Variants in GATAD2B observed in about 807,000 individuals in gnomAD.
The protein encoded by GATAD2B is transcriptional repressor p66-beta.
In GATAD2B, 8 loss-of-function variants were observed where a neutral mutation model predicts 64.3. The observed-to-expected ratio is 0.12, with a 90% CI of 0.07 to 0.22. The LOEUF (loss-of-function observed/expected upper bound fraction) is 0.22, where lower values mean the gene tolerates loss of function less well. Ranked by LOEUF, GATAD2B falls within the 10% of genes least tolerant of loss-of-function variation. The pLI is 1.00. For synonymous variants in GATAD2B, 281 were observed against 271.3 expected, an observed-to-expected ratio of 1.04 and a Z score of -0.35; for missense variants, 453 against 752.0, an observed-to-expected ratio of 0.60 and a Z score of 4.65.
At chr1:153,817,170 C>A (rs557887591) in intron 6 of GATAD2B, among the ~76,000 whole-genome samples, 1 of 152,232 alleles carries the variant, frequency 6.6e-6, no homozygotes, top group African/African-American at 2.4e-5. Context: ...TGCTGTATAA[C>A]CTCTCTCCTC....
Position 153,812,055 on chromosome 1 carries a change from T to C in GATAD2B, c.1497A>G (p.Gln499=). 3 of 1,612,110 alleles carry C rather than the reference T, an allele frequency of 1.9e-6. No homozygotes were observed. The highest frequency in any genetic ancestry group is 2.5e-6 in the Non-Finnish European group (3 of 1,178,468). The change falls in exon 9 of 11, where the codon CAA becomes CAG. Residue 499 remains glutamine (Q), a synonymous_variant. Coordinates refer to ENST00000368655, the MANE Select transcript of GATAD2B (RefSeq NM_020699.4). ...GCGTATGATGTCTCATGATGGTCTC[T>C]TGTTTACTGACACTGGACACAGCTG... The part of the protein sequence containing the change: ...TAPAVSSVSK[Q]ETIMRHHTLR...
At chr1:153,818,984 A>T in intron 3 of GATAD2B, 62 bp from the exon 4 acceptor site, 1 of 1,547,248 alleles carries the variant, frequency 6.5e-7, no homozygotes, top group Non-Finnish European at 8.8e-7. Context: ...TTCCTGCAAG[A>T]GACAATCTTT....
At chr1:153,901,208 T>A (rs1472673527) in intron 1 of GATAD2B, among the ~76,000 whole-genome samples, 4 of 138,880 alleles carry the variant, frequency 2.9e-5, no homozygotes, top group Middle Eastern at 3.4e-3. Flanking sequence ...AGCAAAATTC[T>A]ACCTCAAAAA....
intron 1 of GATAD2B, among the ~76,000 whole-genome samples, chr1:153,908,940 G>C (rs575578218): frequency 6.6e-6 from 1 of 152,126 alleles, no homozygotes; most frequent in African/African-American, 2.4e-5. Context: ...CTGGAACACG[G>C]ATTACATCTC....
intron 1 of GATAD2B, among the ~76,000 whole-genome samples, chr1:153,897,155 G>T (rs987926488): frequency 2.0e-5 from 3 of 151,388 alleles, no homozygotes; most frequent in Non-Finnish European, 4.4e-5. Context: ...TCAGCCTCCC[G>T]AGTAGCTGGG....
At chr1:153,889,275 G>A (rs1303418440) in intron 1 of GATAD2B, among the ~76,000 whole-genome samples, 2 of 151,848 alleles carry the variant, frequency 1.3e-5, no homozygotes, top group Non-Finnish European at 2.9e-5. Flanking sequence ...AGCAGGGCGT[G>A]GTGGCACATC....
chr1:153,894,024 A>C (rs1677504593), intron 1 of GATAD2B, among the ~76,000 whole-genome samples: 1 of 151,682 alleles, frequency 6.6e-6, no homozygotes, highest in Admixed American at 6.6e-5. Flanking sequence ...ACTATATTAA[A>C]CACCACCAAC....
At position 153,907,670 on chromosome 1, in the gene GATAD2B, G is replaced by T. The variant is rs145753988; in HGVS notation, c.-2+15063C>A. Among the ~76,000 whole-genome samples the T allele has an allele frequency of 1.4e-4, 20 of 143,666 alleles. No individual in the cohort carries two copies. The East Asian group carries it at 4.1e-3, about 29-fold the overall frequency. The allele number at this position is 143,666 out of a possible 152,430, so 94.3% of individuals were successfully genotyped here. ...TTTTTTTTTTTTGAGATGGAGTCTC[G>T]CTCTGTCACCCAGGTTGGGATGCAG... On this transcript the variant is annotated intron_variant, in intron 1 of 10. Coordinates refer to ENST00000368655, the MANE Select transcript of GATAD2B (RefSeq NM_020699.4).
chr1:153,852,222 G>T (rs183910433), intron 1 of GATAD2B: 2 of 1,144,078 alleles, frequency 1.7e-6, no homozygotes, highest in Non-Finnish European at 2.6e-6. Context: ...GCCAGTTGAG[G>T]GGCATGTTGT....
At position 153,808,471 on chromosome 1, in the gene GATAD2B, T is replaced by C. The variant is rs1405800952; in HGVS notation, c.*1706A>G. 1 of 152,610 alleles carries C rather than the reference T, an allele frequency of 6.6e-6. No homozygotes were observed. Among genetic ancestry groups the C allele is most frequent in the Non-Finnish European group, 1.5e-5 (1 of 68,022 alleles). 9.5% of individuals were successfully genotyped at this position (152,610 alleles called of 1,614,324 possible). ...TGTGTGTGTTAATTTTAAAAGTGCC[T>C]TCTTTAAAAAATTACTTAATTTTAA... On this transcript the variant is annotated 3_prime_UTR_variant, in exon 11 of 11. Transcript: ENST00000368655.
chr1:153,899,653 A>AC (rs1237487971), intron 1 of GATAD2B, among the ~76,000 whole-genome samples: 1 of 152,110 alleles, frequency 6.6e-6, no homozygotes, highest in Non-Finnish European at 1.5e-5. Flanking sequence ...ATCCAAAGAC[A>AC]ACTGTTTTTT....
chr1:153,853,298 G>T, intron 1 of GATAD2B: 2 of 857,308 alleles, frequency 2.3e-6, no homozygotes, highest in Non-Finnish European at 4.0e-6. Flanking sequence ...GTAGGACACT[G>T]GTCCTTTGTA....
Position 153,807,107 on chromosome 1 carries a change from C to T in GATAD2B, c.*3070G>A, listed in dbSNP as rs1214072268. The T allele has an allele frequency of 2.0e-5, 3 of 152,142 alleles. No homozygotes were observed. Among genetic ancestry groups the T allele is most frequent in the Admixed American group, 1.3e-4 (2 of 15,274 alleles). The allele number at this position is 152,142 out of a possible 1,614,324, so 9.4% of individuals were successfully genotyped here. Reference sequence around the variant, plus strand: ...GTTTTACTCAAGCCTTACCGCTATTCCACCCATTTCAGGCTTCCAGGGAGT... The same window carrying T: ...GTTTTACTCAAGCCTTACCGCTATTTCACCCATTTCAGGCTTCCAGGGAGT... On this transcript the variant is annotated 3_prime_UTR_variant, in exon 11 of 11. Transcript: ENST00000368655.
rs1376747434 is a variant in GATAD2B, at chr1:153,816,560, C to T, written c.929G>A (p.Arg310His). ...CATATAGATGGCAGAGGATGTTGTA[C>T]GCTGACATGGAACAGAAGAACTTGA... ...PQSSSSVPCQ[R>H]TTSSAIYMNL... Residue 310 changes from arginine (R) to histidine (H), a missense_variant, in exon 7 of 11, where the codon CGT becomes CAT. This residue lies in a region of GATAD2B where 293 missense variants were observed against 417.2 expected (regional missense o/e 0.70). Coordinates refer to ENST00000368655, the MANE Select transcript of GATAD2B (RefSeq NM_020699.4). The surrounding 1 kb of genome is among the most constrained non-coding windows in gnomAD (Gnocchi z 4.9). The T allele has an allele frequency of 1.9e-6, 3 of 1,612,874 alleles. No homozygotes were observed. The highest frequency in any genetic ancestry group is 2.2e-5 in the East Asian group (1 of 44,862).
rs1674080714 is a variant in GATAD2B, at chr1:153,805,361, A to G, written c.*4816T>C. The G allele has an allele frequency of 6.6e-6, 1 of 152,170 alleles. No individual in the cohort carries two copies. The highest frequency in any genetic ancestry group is 2.4e-5 in the African/African-American group (1 of 41,428). 9.4% of individuals were successfully genotyped at this position (152,170 alleles called of 1,614,324 possible). A position where few individuals can be genotyped will look rare whatever the true frequency, so the allele number is the denominator to read the frequency against. On this transcript the variant is annotated 3_prime_UTR_variant, in exon 11 of 11. Transcript: ENST00000368655. The stretch of plus-strand genomic sequence containing the variant: ...CATCCTGTAGCTCACAAAGGGAGTA[A>G]ATAACTAAAGCACCAACCTGGGGCA...
intron 1 of GATAD2B, among the ~76,000 whole-genome samples, chr1:153,848,017 TC>T (rs1675748506): frequency 2.0e-5 from 3 of 152,208 alleles, no homozygotes; most frequent in Non-Finnish European, 4.4e-5. Context: ...TTTGATTTAA[TC>T]AGTCTGCCAT....
chr1:153,881,731 G>A (rs1287543847), intron 1 of GATAD2B, among the ~76,000 whole-genome samples: 1 of 152,122 alleles, frequency 6.6e-6, no homozygotes, highest in Non-Finnish European at 1.5e-5. Context: ...AAGAAATAGA[G>A]AAAGAGAACA....
In GATAD2B at chr1:153,818,086, C is replaced by T. The variant is rs1331366154; in HGVS notation, c.683G>A (p.Arg228Gln). 4 of 1,612,742 alleles carry T rather than the reference C, an allele frequency of 2.5e-6. No individual in the cohort carries two copies. Among genetic ancestry groups the T allele is most frequent in the Non-Finnish European group, 2.5e-6 (3 of 1,179,388 alleles). Reference sequence around the variant, plus strand: ...AGGTTCAACCCCTTGGGCCCCAGGCCGAGAGGGAAGCTTAGATAGGCCCTG... The same window carrying T: ...AGGTTCAACCCCTTGGGCCCCAGGCTGAGAGGGAAGCTTAGATAGGCCCTG... ...GQQGLSKLPS[R>Q]PGAQGVEPQN... The change falls in exon 5 of 11, where the codon CGG becomes CAG. Residue 228 changes from arginine to glutamine, a missense_variant. By Grantham distance (43) the Arg-to-Gln change is conservative. This residue lies in a region of GATAD2B where 293 missense variants were observed against 417.2 expected (regional missense o/e 0.70). Transcript: ENST00000368655.
intron 7 of GATAD2B, among the ~76,000 whole-genome samples, chr1:153,815,280 C>CAAAAAAAAAAAAAAAAA (rs1159204191): frequency 1.7e-4 from 11 of 66,570 alleles, no homozygotes; most frequent in Admixed American, 4.1e-4. Context: ...CTCAAAAAAA[C>CAAAAAAAAAAAAAAAAA]AAAAAAAAAA....
Sources: gnomAD v4.1 joint callset for allele counts (sites outside exome capture counted in the v4.1 genomes callset) on GRCh38, gnomAD v4.1.1 for gene constraint, gnomAD v4.1.1 regional missense constraint, Gnocchi (gnomAD v3.1) non-coding constraint, MANE v1.5 for transcripts, NCBI Gene and HGNC (gene_info 2026-07-23, HGNC 2026-07-21) for gene names.